Variants in TFAP2D observed in about 807,000 individuals in gnomAD.
TFAP2D encodes transcription factor AP-2 delta, also known as transcription factor AP-2-delta.
Under a neutral mutation model 43.6 loss-of-function variants are expected in TFAP2D, and 9 were observed. The ratio of observed to expected loss-of-function variants is 0.21; its 90% CI spans 0.12 to 0.36. The LOEUF is 0.36. TFAP2D is among the 10% of genes least tolerant of loss of function. TFAP2D has a pLI of 1.00. For synonymous variants in TFAP2D, 256 were observed against 224.9 expected, an observed-to-expected ratio of 1.14 and a Z score of -1.24; for missense variants, 513 against 561.4, an observed-to-expected ratio of 0.91 and a Z score of 0.87.
At chr6:50,749,715 T>TG (rs1769174021) in intron 6 of TFAP2D, among the ~76,000 whole-genome samples, 1 of 151,888 alleles carries the variant, frequency 6.6e-6, no homozygotes, top group South Asian at 2.1e-4. Flanking sequence ...TGAAAACAGG[T>TG]ATATTTCATA....
rs530856168 is a variant in TFAP2D, at chr6:50,768,099, A to G, written c.1140-4546A>G. Among the ~76,000 whole-genome samples the G allele has an allele frequency of 3.9e-5, 6 of 152,328 alleles. No homozygotes were observed. In the East Asian group the frequency reaches 1.2e-3, roughly 29 times the overall value. On this transcript the variant is annotated intron_variant, in intron 7 of 7. Transcript: ENST00000008391. The stretch of plus-strand genomic sequence containing the variant: ...AAATTATATGCAAATGCCAAGGGTA[A>G]CTTAAATATCAAACCTGTAACTGAA...
chr6:50,749,811 A>T (rs902467902), intron 6 of TFAP2D, among the ~76,000 whole-genome samples: 1 of 151,900 alleles, frequency 6.6e-6, no homozygotes, highest in African/African-American at 2.4e-5. Context: ...TGTTAAAAGC[A>T]TGTATTCAGA....
chr6:50,769,038 T>G (rs1185915704), intron 7 of TFAP2D, among the ~76,000 whole-genome samples: 3 of 151,492 alleles, frequency 2.0e-5, no homozygotes, highest in Admixed American at 6.6e-5. Flanking sequence ...ATTACAGGCA[T>G]GCACCACCAC....
chr6:50,756,280 A>G (rs796176007), intron 7 of TFAP2D, among the ~76,000 whole-genome samples: 1 of 152,120 alleles, frequency 6.6e-6, no homozygotes, highest in Non-Finnish European at 1.5e-5. Flanking sequence ...CTTTGAAAGC[A>G]GACAATTGTC....
intron 7 of TFAP2D, among the ~76,000 whole-genome samples, chr6:50,772,254 G>C (rs995039346): frequency 6.6e-6 from 1 of 152,056 alleles, no homozygotes; most frequent in Non-Finnish European, 1.5e-5. Context: ...GGTGGGCGGA[G>C]GGGGGAGGGA....
At chr6:50,750,291 G>A (rs1419568735) in intron 6 of TFAP2D, among the ~76,000 whole-genome samples, 1 of 151,768 alleles carries the variant, frequency 6.6e-6, no homozygotes, top group Non-Finnish European at 1.5e-5. Context: ...TTTTGCGACT[G>A]CCCATTGTAA....
intron 7 of TFAP2D, among the ~76,000 whole-genome samples, chr6:50,771,336 T>A (rs1001790960): frequency 1.3e-5 from 2 of 152,232 alleles, no homozygotes; most frequent in African/African-American, 2.4e-5. Flanking sequence ...GAATTGCATG[T>A]ATCACTTCTC....
chr6:50,740,619 AAT>A (rs1769028358), intron 5 of TFAP2D, among the ~76,000 whole-genome samples: 1 of 151,758 alleles, frequency 6.6e-6, no homozygotes, highest in South Asian at 2.1e-4. Flanking sequence ...TTGTATTTTT[AAT>A]AGAGATGGGG....
At chr6:50,757,739 A>G (rs1769303578) in intron 7 of TFAP2D, among the ~76,000 whole-genome samples, 1 of 69,470 alleles carries the variant, frequency 1.4e-5, no homozygotes, top group Non-Finnish European at 3.0e-5. Context: ...CTATATATAG[A>G]ATATATATAA....
At chr6:50,747,647 A>G (rs1769143101) in intron 6 of TFAP2D, among the ~76,000 whole-genome samples, 1 of 152,056 alleles carries the variant, frequency 6.6e-6, no homozygotes, top group Non-Finnish European at 1.5e-5. Context: ...GATTCCCATC[A>G]TTCTGTTGAA....
At chr6:50,745,933 A>C (rs1769119701) in intron 6 of TFAP2D, among the ~76,000 whole-genome samples, 1 of 152,240 alleles carries the variant, frequency 6.6e-6, no homozygotes, top group East Asian at 1.9e-4. Context: ...ATGACTTATA[A>C]ATTCCTTGAC....
At chr6:50,724,765 T>G (rs1229073325) in intron 3 of TFAP2D, among the ~76,000 whole-genome samples, 5 of 150,406 alleles carry the variant, frequency 3.3e-5, no homozygotes, top group African/African-American at 4.9e-5. Flanking sequence ...GGTGGCGGGG[T>G]GTGTGTGTGT....
chr6:50,760,589 A>T (rs1769349690), intron 7 of TFAP2D, among the ~76,000 whole-genome samples: 1 of 152,044 alleles, frequency 6.6e-6, no homozygotes, highest in African/African-American at 2.4e-5. Flanking sequence ...TTAATTGTGT[A>T]TCTTAATTAA....
At chr6:50,716,583 ATT>A (rs1230047182) in intron 2 of TFAP2D, among the ~76,000 whole-genome samples, 1 of 152,214 alleles carries the variant, frequency 6.6e-6, no homozygotes, top group Non-Finnish European at 1.5e-5. Context: ...GTGTTTGCAC[ATT>A]CTTTACCAAA....
rs1768595347 is a variant in TFAP2D at position 50,715,102 on chromosome 6, C to T, written c.40-14C>T. 1.2e-6 allele frequency: 2 copies of T among 1,608,296 alleles called. No individual in the cohort carries two copies. The highest frequency in any genetic ancestry group is 2.2e-5 in the East Asian group (1 of 44,708). On this transcript the variant is annotated splice_polypyrimidine_tract_variant and intron_variant, in intron 1 of 7. Transcript: ENST00000008391. ...AAGTTTTTCTGCTCTCCCTTTTCCC[C>T]CTCTTCCTTCCAGATACGTCACGAC...
chr6:50,730,698 A>G (rs1298712890), intron 5 of TFAP2D, among the ~76,000 whole-genome samples: 1 of 152,110 alleles, frequency 6.6e-6, no homozygotes, highest in Non-Finnish European at 1.5e-5. Flanking sequence ...ACCCAACTCC[A>G]CAGAAGAGTC....
chr6:50,741,644 A>G (rs1438558507), intron 5 of TFAP2D, among the ~76,000 whole-genome samples: 1 of 152,062 alleles, frequency 6.6e-6, no homozygotes, highest in Admixed American at 6.6e-5. Flanking sequence ...TTGAAATGAT[A>G]TGGAATAAAA....
chr6:50,758,193 A>T (rs900900133), intron 7 of TFAP2D, among the ~76,000 whole-genome samples: 1 of 151,916 alleles, frequency 6.6e-6, no homozygotes, highest in East Asian at 1.9e-4. Context: ...TAAGGAATGT[A>T]TAGACAGTCC....
chr6:50,719,501 G>GAAAGAAAGATAGAAAGA, intron 3 of TFAP2D, among the ~76,000 whole-genome samples: 1 of 133,460 alleles, frequency 7.5e-6, no homozygotes, highest in Admixed American at 7.2e-5. Flanking sequence ...AAGAAAGAAA[G>GAAAGAAAGATAGAAAGA]AAGTTTCTCA....
Sources: gnomAD v4.1 joint callset for allele counts (sites outside exome capture counted in the v4.1 genomes callset) on GRCh38, gnomAD v4.1.1 for gene constraint, MANE v1.5 for transcripts, NCBI Gene and HGNC (gene_info 2026-07-23, HGNC 2026-07-21) for gene names.